CNTN3: variants seen among roughly 807,000 people sequenced by gnomAD.
The protein encoded by CNTN3 is contactin 3, also known as contactin-3.
In CNTN3, 60 loss-of-function variants were observed where a neutral mutation model predicts 119.1. The observed-to-expected ratio is 0.50, with a 90% CI of 0.41 to 0.62. The LOEUF is 0.62. CNTN3 is among the 20% of genes least tolerant of loss of function. The pLI is 0.00. For missense variants in CNTN3, 1,101 were observed against 1,242.4 expected (o/e 0.89, Z 1.71); for synonymous variants, 450 against 438.7 (o/e 1.03, Z -0.32).
intron 19 of CNTN3, among the ~76,000 whole-genome samples, chr3:74,289,658 AT>A (rs1326629163): frequency 2.0e-5 from 3 of 152,130 alleles, no homozygotes; most frequent in Admixed American, 6.5e-5. Flanking sequence ...GCTTTATCTC[AT>A]TTAATTTGCA....
chr3:74,395,656 G>A (rs1372657648), intron 5 of CNTN3, among the ~76,000 whole-genome samples: 1 of 152,144 alleles, frequency 6.6e-6, no homozygotes, highest in Non-Finnish European at 1.5e-5. Context: ...TTATTGCCAG[G>A]AGTAAAATGT....
At chr3:74,340,300 T>G (rs1703503714) in intron 11 of CNTN3, among the ~76,000 whole-genome samples, 1 of 152,060 alleles carries the variant, frequency 6.6e-6, no homozygotes. Context: ...AATAGAAGAC[T>G]GAATAAAGAG....
chr3:74,454,752 A>C (rs539596741), intron 4 of CNTN3, among the ~76,000 whole-genome samples: 1 of 151,792 alleles, frequency 6.6e-6, no homozygotes, highest in Non-Finnish European at 1.5e-5. Context: ...AAAGGATTTT[A>C]TTTCTCCTTC....
At chr3:74,376,129 C>A (rs759939123) in intron 5 of CNTN3, among the ~76,000 whole-genome samples, 1 of 152,156 alleles carries the variant, frequency 6.6e-6, no homozygotes, top group Non-Finnish European at 1.5e-5. Context: ...TCCCCTGGAG[C>A]CCCAAGGAAC....
chr3:74,520,895 C>A (rs564091965), intron 2 of CNTN3, among the ~76,000 whole-genome samples, 163 bp downstream of exon 2: 1 of 151,462 alleles, frequency 6.6e-6, no homozygotes, highest in Admixed American at 6.6e-5. Flanking sequence ...GGAATAAGAA[C>A]CCAATTATCA....
At chr3:74,447,542 G>A (rs1300305989) in intron 4 of CNTN3, among the ~76,000 whole-genome samples, 1 of 152,152 alleles carries the variant, frequency 6.6e-6, no homozygotes, top group Non-Finnish European at 1.5e-5. Context: ...AGTGAACGAA[G>A]GGAAAGAGCA....
chr3:74,342,178 A>T (rs140939047), intron 11 of CNTN3, among the ~76,000 whole-genome samples: 32 of 152,226 alleles, frequency 2.1e-4, no homozygotes, highest in African/African-American at 7.5e-4. Flanking sequence ...GAAAATAAAC[A>T]TGAGAGAAAA....
intron 1 of CNTN3, among the ~76,000 whole-genome samples, chr3:74,581,205 G>A (rs1704499320): frequency 6.6e-6 from 1 of 152,136 alleles, no homozygotes; most frequent in South Asian, 2.1e-4. Context: ...CACACATAAT[G>A]GGACTGTGTA....
chr3:74,491,009 T>G (rs551796398), intron 3 of CNTN3, among the ~76,000 whole-genome samples: 14 of 152,300 alleles, frequency 9.2e-5, no homozygotes, highest in African/African-American at 3.4e-4. Context: ...GTTTTTCCTC[T>G]TGCTGAAAAT....
intron 2 of CNTN3, among the ~76,000 whole-genome samples, chr3:74,518,101 C>A (rs946617558): frequency 2.6e-5 from 4 of 151,864 alleles, no homozygotes; most frequent in African/African-American, 7.3e-5. Flanking sequence ...TTGTATTTAA[C>A]CTTAAATGTT....
intron 1 of CNTN3, among the ~76,000 whole-genome samples, chr3:74,560,054 AC>A (rs1704129895): frequency 6.6e-6 from 1 of 152,196 alleles, no homozygotes; most frequent in South Asian, 2.1e-4. Context: ...GTACTGCATG[AC>A]CATAGAGGAT....
intron 11 of CNTN3, among the ~76,000 whole-genome samples, chr3:74,344,511 C>T (rs555500251): frequency 2.0e-5 from 3 of 147,556 alleles, no homozygotes; most frequent in Admixed American, 6.8e-5. Flanking sequence ...CTGCAAGCTC[C>T]GCCTCCCGAG....
intron 1 of CNTN3, among the ~76,000 whole-genome samples, chr3:74,583,233 G>GTT (rs1275700352): frequency 6.6e-6 from 1 of 152,076 alleles, no homozygotes; most frequent in Non-Finnish European, 1.5e-5. Context: ...TGGATCGCAG[G>GTT]TTAGATGCCA....
At chr3:74,408,221 A>G (rs1178586567) in intron 5 of CNTN3, among the ~76,000 whole-genome samples, 2 of 152,194 alleles carry the variant, frequency 1.3e-5, no homozygotes, top group Non-Finnish European at 2.9e-5. Context: ...TGTTACATAA[A>G]TCCCTGGATT....
intron 13 of CNTN3, among the ~76,000 whole-genome samples, chr3:74,307,141 A>G (rs1341780067): frequency 6.6e-6 from 1 of 152,150 alleles, no homozygotes; most frequent in Non-Finnish European, 1.5e-5. Flanking sequence ...AACACGGTTT[A>G]TTTGAGTAAC....
intron 11 of CNTN3, among the ~76,000 whole-genome samples, chr3:74,347,900 TCACAACATGGATGAACCTAGAGGA>T (rs1379978382): frequency 1.3e-5 from 2 of 152,326 alleles, no homozygotes; most frequent in African/African-American, 4.8e-5. Context: ...CTGCTATTTG[TCACAACATGGATGAACCTAGAGGA>T]CATTATGTGA....
chr3:74,607,485 C>CAAA (rs1705012393), intron 1 of CNTN3, among the ~76,000 whole-genome samples: 1 of 152,156 alleles, frequency 6.6e-6, no homozygotes, highest in Non-Finnish European at 1.5e-5. Flanking sequence ...CAGTTGGGGC[C>CAAA]CTGCCCTAGT....
At chr3:74,432,190 C>T (rs993512864) in intron 4 of CNTN3, among the ~76,000 whole-genome samples, 2 of 152,024 alleles carry the variant, frequency 1.3e-5, no homozygotes, top group African/African-American at 4.8e-5. Context: ...TTGTGCACTG[C>T]CATGCAAAAG....
rs114987826 is a variant in CNTN3 at position 74,386,898 on chromosome 3, T to C, written c.455-15499A>G. Among the ~76,000 whole-genome samples the C allele has an allele frequency of 7.7e-3, 1,165 of 152,282 alleles. 7 individuals are homozygous for C. Among genetic ancestry groups the C allele is most frequent in the African/African-American group, 0.027 (1,121 of 41,564 alleles). On this transcript the variant is annotated intron_variant, in intron 5 of 22. Coordinates refer to ENST00000263665, the MANE Select transcript of CNTN3 (RefSeq NM_020872.3). ...TATCCTGCAAAGGAGGATCAAAATG[T>C]AGGTTCTGTGGGAGAAGCAGAGAGC...
Sources: gnomAD v4.1 joint callset for allele counts (sites outside exome capture counted in the v4.1 genomes callset) on GRCh38, gnomAD v4.1.1 for gene constraint, MANE v1.5 for transcripts, NCBI Gene and HGNC (gene_info 2026-07-23, HGNC 2026-07-21) for gene names.